The following ANXA4 variants were observed in gnomAD, a reference collection of about 807,000 sequenced individuals.
ANXA4 encodes the protein 35-beta calcimedin.
A neutral mutation model predicts 49.8 loss-of-function variants in ANXA4; 39 were observed. That is an observed-to-expected ratio of 0.78 (90% CI 0.61 to 1.02). The LOEUF (loss-of-function observed/expected upper bound fraction) is 1.02. ANXA4 is among the 50% of genes least tolerant of loss of function. The pLI, the probability that ANXA4 is intolerant of heterozygous loss-of-function variation, is 0.00. For missense variants in ANXA4, 360 were observed against 410.1 expected (o/e 0.88, Z 1.05); for synonymous variants, 134 against 152.5 (o/e 0.88, Z 0.89).
chr2:69,778,541 C>T (rs182992894), intron 1 of ANXA4, among the ~76,000 whole-genome samples: 64 of 152,062 alleles, frequency 4.2e-4, no homozygotes, highest in African/African-American at 1.5e-3. Context: ...TTTGGGAGGC[C>T]GAGGCGGGCA....
upstream of ANXA4, among the ~76,000 whole-genome samples, chr2:69,740,915 C>A (rs1031747704): frequency 1.2e-4 from 17 of 141,964 alleles, no homozygotes; most frequent in Admixed American, 3.7e-4. Flanking sequence ...TTATCTCGAA[C>A]TCCTGGGCTA....
At chr2:69,812,788 C>A in intron 8 of ANXA4, 79 bp downstream of exon 8, 1 of 1,233,806 alleles carries the variant, frequency 8.1e-7, no homozygotes, top group Non-Finnish European at 1.2e-6. Context: ...TGGATAGCAA[C>A]TTATATTACA....
At chr2:69,753,643 C>G (rs1433843420) in intron 1 of ANXA4, among the ~76,000 whole-genome samples, 2 of 152,216 alleles carry the variant, frequency 1.3e-5, no homozygotes, top group Non-Finnish European at 2.9e-5. Flanking sequence ...AGCGTCTTAG[C>G]AGGTTTGTCC....
upstream of ANXA4, among the ~76,000 whole-genome samples, chr2:69,740,209 T>C (rs564061536): frequency 6.6e-6 from 1 of 152,024 alleles, no homozygotes; most frequent in South Asian, 2.1e-4. Flanking sequence ...TTTCTTTCTT[T>C]TTCTTTTTCT....
intron 2 of ANXA4, among the ~76,000 whole-genome samples, chr2:69,698,638 G>A (rs80013306): frequency 0.029 from 4,471 of 152,230 alleles, 218 homozygotes; most frequent in African/African-American, 0.1. Flanking sequence ...ACTAGGTGGG[G>A]CGGGGCAGGA....
At chr2:69,775,031 C>T (rs983861247) in intron 1 of ANXA4, among the ~76,000 whole-genome samples, 4 of 152,222 alleles carry the variant, frequency 2.6e-5, no homozygotes, top group African/African-American at 9.6e-5. Context: ...TAGTTACTCA[C>T]ACAACCCATT....
intron 2 of ANXA4, among the ~76,000 whole-genome samples, chr2:69,703,630 C>CT (rs1330093082): frequency 6.6e-6 from 1 of 152,164 alleles, no homozygotes; most frequent in African/African-American, 2.4e-5. Context: ...CAGCTTGACT[C>CT]TTTTTTTCTC....
chr2:69,674,082 G>A (rs1002351596), intron 2 of ANXA4: 4 of 152,248 alleles, frequency 2.6e-5, no homozygotes, highest in Non-Finnish European at 5.9e-5. Context: ...TATACGAAAT[G>A]TGTTTGTTGA....
intron 2 of ANXA4, among the ~76,000 whole-genome samples, chr2:69,694,946 C>T (rs1173226702): frequency 1.3e-5 from 2 of 151,940 alleles, no homozygotes; most frequent in Non-Finnish European, 2.9e-5. Context: ...TAAATTTAAC[C>T]AGCCTAGGCA....
intron 2 of ANXA4, among the ~76,000 whole-genome samples, chr2:69,695,711 C>A (rs1190757615): frequency 6.6e-6 from 1 of 152,098 alleles, no homozygotes; most frequent in Non-Finnish European, 1.5e-5. Flanking sequence ...CTCTGAGATA[C>A]AGGCATACCT....
chr2:69,707,604 G>A (rs1678538476), intron 2 of ANXA4, among the ~76,000 whole-genome samples: 2 of 152,086 alleles, frequency 1.3e-5, no homozygotes, highest in Non-Finnish European at 2.9e-5. Context: ...AGTTTTTGTA[G>A]GTACATAGTA....
chr2:69,804,159 A>AAAAAAAC (rs869141655), intron 3 of ANXA4, among the ~76,000 whole-genome samples: 3 of 145,204 alleles, frequency 2.1e-5, no homozygotes, highest in African/African-American at 8.1e-5. Context: ...AAAAAAAAAA[A>AAAAAAAC]TATTCTAGAG....
chr2:69,732,602 TAAA>T (rs1670135643), intron 3 of ANXA4, among the ~76,000 whole-genome samples: 1 of 151,746 alleles, frequency 6.6e-6, no homozygotes, highest in Non-Finnish European at 1.5e-5. Flanking sequence ...CTACTAAAAA[TAAA>T]AAATTAGTTG....
intron 8 of ANXA4, among the ~76,000 whole-genome samples, chr2:69,813,152 GA>G (rs1483309115): frequency 6.6e-6 from 1 of 152,156 alleles, no homozygotes; most frequent in African/African-American, 2.4e-5. Flanking sequence ...GGTTGTCCTG[GA>G]ACCAACCCAT....
intron 2 of ANXA4, among the ~76,000 whole-genome samples, chr2:69,656,399 ATG>A (rs1273272602): frequency 3.4e-5 from 3 of 87,630 alleles, no homozygotes; most frequent in African/African-American, 9.3e-5. Context: ...GTGTATATAT[ATG>A]TATATATATG....
chr2:69,663,240 C>T (rs1379365742), intron 2 of ANXA4, among the ~76,000 whole-genome samples: 10 of 147,180 alleles, frequency 6.8e-5, no homozygotes, highest in South Asian at 2.2e-4. Context: ...ATGATCCTCC[C>T]GTCTCGGCCT....
chr2:69,812,163 TC>T (rs1251831229), intron 7 of ANXA4, among the ~76,000 whole-genome samples: 2 of 150,592 alleles, frequency 1.3e-5, no homozygotes, highest in Non-Finnish European at 2.9e-5. Context: ...TTGCTATGTT[TC>T]CCAGGCCAGC....
intron 1 of ANXA4, among the ~76,000 whole-genome samples, chr2:69,777,712 T>C (rs1029102502): frequency 3.3e-5 from 5 of 152,222 alleles, no homozygotes; most frequent in African/African-American, 1.2e-4. Flanking sequence ...CACTGACTGC[T>C]CCAGCTACCT....
At chr2:69,654,217 A>G (rs1676354516) in intron 2 of ANXA4, among the ~76,000 whole-genome samples, 1 of 152,228 alleles carries the variant, frequency 6.6e-6, no homozygotes, top group Non-Finnish European at 1.5e-5. Context: ...ATATACAATC[A>G]TGTCGTCTGC....
Sources: gnomAD v4.1 joint callset for allele counts (sites outside exome capture counted in the v4.1 genomes callset) on GRCh38, gnomAD v4.1.1 for gene constraint, MANE v1.5 for transcripts, NCBI Gene and HGNC (gene_info 2026-07-23, HGNC 2026-07-21) for gene names.